CSF1: variants seen among roughly 807,000 people sequenced by gnomAD.
CSF1 encodes macrophage colony-stimulating factor 1.
CSF1 carries 9 observed loss-of-function variants against 48.9 expected under a neutral mutation model. The observed-to-expected ratio is 0.18, with a 90% confidence interval of 0.11 to 0.32. The LOEUF (loss-of-function observed/expected upper bound fraction) is 0.32. Among genes scored for constraint, CSF1 ranks in the 10% least tolerant of loss-of-function variants. The probability of loss-of-function intolerance (pLI) is 1.00; values close to 1 mark genes in which losing one functional copy is unlikely to be tolerated. For missense variants in CSF1, 672 were observed against 697.9 expected (o/e 0.96, Z 0.42); for synonymous variants, 305 against 284.1 (o/e 1.07, Z -0.74).
chr1:109,916,791 C>A (rs1647235282), intron 3 of CSF1, among the ~76,000 whole-genome samples: 1 of 152,168 alleles, frequency 6.6e-6, no homozygotes, highest in African/African-American at 2.4e-5. Flanking sequence ...GGACTAGATG[C>A]TGGGGGTAGA....
intron 4 of CSF1, among the ~76,000 whole-genome samples, chr1:109,920,085 A>G (rs1411169432): frequency 6.6e-6 from 1 of 151,902 alleles, no homozygotes; most frequent in African/African-American, 2.4e-5. Flanking sequence ...GCAGGCTCCA[A>G]GAGAGAGGGT....
chr1:109,922,033 A>T, intron 5 of CSF1, 39 bp downstream of exon 5: 1 of 1,547,678 alleles, frequency 6.5e-7, no homozygotes, highest in Non-Finnish European at 8.8e-7. Context: ...TGGGGGTGGT[A>T]GCATATGGAA....
Position 109,925,128 on chromosome 1 carries a change from C to T in CSF1, c.1623-19C>T. 2 of 1,612,524 alleles carry T rather than the reference C, an allele frequency of 1.2e-6. No individual in the cohort carries two copies. Among genetic ancestry groups the T allele is most frequent in the Non-Finnish European group, 1.7e-6 (2 of 1,178,932 alleles). ...TGCTCCTGCTGATGTCTAATACCAGCCCTGTGCTCTGCCTGCAGCCCCCTG... is the reference window on the plus strand; with the variant it reads ...TGCTCCTGCTGATGTCTAATACCAGTCCTGTGCTCTGCCTGCAGCCCCCTG... On this transcript the variant is annotated intron_variant, in intron 7 of 8. Transcript: ENST00000329608.
intron 6 of CSF1, 25 bp downstream of exon 6, chr1:109,924,215 A>T (rs1188386815): frequency 6.3e-7 from 1 of 1,574,956 alleles, no homozygotes; most frequent in Non-Finnish European, 8.6e-7. Context: ...ATGAGGAAGA[A>T]GAGCACGTCC....
intron 1 of CSF1, among the ~76,000 whole-genome samples, chr1:109,912,912 G>A (rs544082698): frequency 1.3e-5 from 2 of 152,172 alleles, no homozygotes; most frequent in African/African-American, 2.4e-5. Flanking sequence ...GATCAGCCAG[G>A]ATCCTCACAG....
rs373284627 is a variant in CSF1, at chr1:109,923,410, G to A, written c.789G>A (p.Pro263=). ...PPRSTCQSFE[P]PETPVVKDST... ...GGAGCACCTGCCAGAGCTTTGAGCC[G>A]CCAGAGACCCCAGTTGTCAAGGACA... The change falls in exon 6 of 9, where the codon CCG becomes CCA. Residue 263 remains proline, a synonymous_variant. Transcript: ENST00000329608. The A allele has an allele frequency of 3.5e-5, 57 of 1,613,938 alleles. No individual in the cohort carries two copies. In the East Asian group the frequency reaches 6.5e-4, roughly 18 times the overall value.
Position 109,929,011 on chromosome 1 carries a change from C to T in CSF1, c.*173C>T, listed in dbSNP as rs1402072172. ...CCAGGCTGGGGCCCCTCTGTCTCAA[C>T]CCGCAGACCCTTGACTGAATGAGAG... On this transcript the variant is annotated 3_prime_UTR_variant, in exon 9 of 9. Coordinates refer to ENST00000329608, the MANE Select transcript of CSF1 (RefSeq NM_000757.6). 1 of 152,822 alleles carries T rather than the reference C, an allele frequency of 6.5e-6. No homozygotes were observed. Among genetic ancestry groups the T allele is most frequent in the Non-Finnish European group, 1.5e-5 (1 of 68,166 alleles). The allele number at this position is 152,822 out of a possible 1,614,324, so 9.5% of individuals were successfully genotyped here. A position where few individuals can be genotyped will look rare whatever the true frequency, so the allele number is the denominator to read the frequency against.
chr1:109,922,772 C>A (rs1647621227), intron 5 of CSF1, among the ~76,000 whole-genome samples: 2 of 152,160 alleles, frequency 1.3e-5, no homozygotes, highest in Admixed American at 1.3e-4. Context: ...ATGCATGAAA[C>A]CAGTGTCTCT....
chr1:109,924,267 G>A (rs1647734513), intron 6 of CSF1, 77 bp downstream of exon 6: 7 of 1,338,060 alleles, frequency 5.2e-6, no homozygotes, highest in Admixed American at 2.5e-5. Flanking sequence ...CAGGTGGGGG[G>A]ACAGCTTGGG....
intron 1 of CSF1, among the ~76,000 whole-genome samples, chr1:109,912,749 T>A (rs1239250976): frequency 7.9e-5 from 12 of 152,122 alleles, no homozygotes; most frequent in Non-Finnish European, 1.3e-4. Flanking sequence ...AGATACACCG[T>A]CTAGTGGCCC....
chr1:109,921,966 C>T lies in CSF1; in HGVS notation c.516C>T (p.Asn172=). The T allele has an allele frequency of 6.2e-7, 1 of 1,607,318 alleles. No individual in the cohort carries two copies. The highest frequency in any genetic ancestry group is 8.5e-7 in the Non-Finnish European group (1 of 1,176,052). The stretch of plus-strand genomic sequence containing the variant: ...GGAATATTTTCAGCAAGAACTGCAA[C>T]AACAGCTTTGCTGAATGCTCCAGCC... The part of the protein sequence containing the change: ...KDWNIFSKNC[N]NSFAECSSQD... The change falls in exon 5 of 9, where the codon AAC becomes AAT. Residue 172 remains asparagine, a synonymous_variant. Coordinates refer to ENST00000329608, the MANE Select transcript of CSF1 (RefSeq NM_000757.6).
chr1:109,919,467 A>T (rs1435382066), intron 4 of CSF1, among the ~76,000 whole-genome samples: 1 of 152,146 alleles, frequency 6.6e-6, no homozygotes, highest in Non-Finnish European at 1.5e-5. Flanking sequence ...AGGCTCAAGC[A>T]ATCTGTCTGC....
Position 109,923,153 on chromosome 1 carries a change from G to A in CSF1, c.545-13G>A, listed in dbSNP as rs76483943. On this transcript the variant is annotated splice_polypyrimidine_tract_variant and intron_variant, in intron 5 of 8. Coordinates refer to ENST00000329608, the MANE Select transcript of CSF1 (RefSeq NM_000757.6). ...CCCATCTTTCTCTCTCCTTCTCTCT[G>A]TGGTTCTTTCAGATGTGGTGACCAA... 1,810 of 1,509,210 alleles carry A rather than the reference G, an allele frequency of 1.2e-3. 18 individuals carry two copies. The African/African-American group carries it at 0.022, about 19-fold the overall frequency. 93.5% of individuals were successfully genotyped at this position (1,509,210 alleles called of 1,614,324 possible).
chr1:109,911,200 C>G, intron 1 of CSF1, 138 bp downstream of exon 1: 1 of 472,478 alleles, frequency 2.1e-6, no homozygotes, highest in Non-Finnish European at 2.8e-6. Flanking sequence ...CGCGGACGAA[C>G]CGCCTTTGCG....
chr1:109,924,137 A>G lies in CSF1; in HGVS notation c.1516A>G (p.Ile506Val), dbSNP rs201860266. 1.4e-5 allele frequency: 22 copies of G among 1,613,970 alleles called. No individual in the cohort carries two copies. Among genetic ancestry groups the G allele is most frequent in the Non-Finnish European group, 3.4e-6 (4 of 1,179,956 alleles). The change falls in exon 6 of 9, where the codon ATC becomes GTC. Residue 506 changes from isoleucine to valine, a missense_variant. Physicochemically the swap from Ile to Val is conservative, Grantham distance 29. This residue lies in a region of CSF1 where 591 missense variants were observed against 593.6 expected (regional missense o/e 1.00). Transcript: ENST00000329608. The part of the protein sequence containing the change: ...SVFHLLVPSV[I>V]LVLLAVGGLL... ...CTTCCACCTGCTGGTGCCCAGTGTCATCCTGGTCTTGCTGGCCGTCGGAGG... is the reference window on the plus strand; with the variant it reads ...CTTCCACCTGCTGGTGCCCAGTGTCGTCCTGGTCTTGCTGGCCGTCGGAGG...
intron 4 of CSF1, among the ~76,000 whole-genome samples, chr1:109,917,949 T>G (rs937264058): frequency 6.6e-6 from 1 of 152,100 alleles, no homozygotes. Context: ...ATATACAACA[T>G]GTAGCATGGC....
Position 109,921,856 on chromosome 1 carries a change from C to A in CSF1, c.406C>A (p.Arg136=). 1 of 1,588,328 alleles carries A rather than the reference C, an allele frequency of 6.3e-7. No homozygotes were observed. Among genetic ancestry groups the A allele is most frequent in the South Asian group, 1.1e-5 (1 of 88,070 alleles). Residue 136 remains arginine, a synonymous_variant, in exon 5 of 9, where the codon CGA becomes AGA. Transcript: ENST00000329608. ...DYEEHDKACV[R]TFYETPLQLL... is the part of the protein sequence containing the mutation. Reference sequence around the variant, plus strand: ...CCTGATCTCCTTCCAGGCCTGCGTCCGAACTTTCTATGAGACACCTCTCCA... The same window carrying A: ...CCTGATCTCCTTCCAGGCCTGCGTCAGAACTTTCTATGAGACACCTCTCCA...
At position 109,914,366 on chromosome 1, in the gene CSF1, G is replaced by A. The variant is rs747226112; in HGVS notation, c.147G>A (p.Gln49=). The A allele has an allele frequency of 3.1e-6, 5 of 1,603,072 alleles. 1 individual carries two copies. In the South Asian group the frequency reaches 5.7e-5, roughly 18 times the overall value. The change falls in exon 2 of 9, where the codon CAG becomes CAA. Residue 49 remains glutamine, a synonymous_variant. Transcript: ENST00000329608. The stretch of plus-strand genomic sequence containing the variant: ...ACATGATTGGGAGTGGACACCTGCA[G>A]TCTCTGCAGCGGCTGGTGAGTGTGT... ...CSHMIGSGHL[Q]SLQRLIDSQM...
chr1:109,925,060 G>A (rs1570802565), intron 7 of CSF1, 87 bp from the exon 8 acceptor site: 1 of 1,268,432 alleles, frequency 7.9e-7, no homozygotes, highest in Non-Finnish European at 1.2e-6. Flanking sequence ...CCTAGAGCAT[G>A]TCTGGGGCTT....
Sources: gnomAD v4.1 joint callset for allele counts (sites outside exome capture counted in the v4.1 genomes callset) on GRCh38, gnomAD v4.1.1 for gene constraint, gnomAD v4.1.1 regional missense constraint, MANE v1.5 for transcripts, NCBI Gene and HGNC (gene_info 2026-07-23, HGNC 2026-07-21) for gene names.